Variants in BRWD3 observed in about 807,000 individuals in gnomAD.
BRWD3 encodes the protein bromodomain and WD repeat domain containing 3.
BRWD3 carries 10 observed loss-of-function variants against 149.7 expected under a neutral mutation model. The observed-to-expected ratio is 0.07, with a 90% CI of 0.04 to 0.11. The LOEUF is 0.11. BRWD3 is among the 10% of genes least tolerant of loss of function. The probability of loss-of-function intolerance (pLI) is 1.00; values close to 1 mark genes in which losing one functional copy is unlikely to be tolerated. For missense variants in BRWD3, 940 were observed against 1,373.2 expected, an observed-to-expected ratio of 0.68 and a Z score of 4.99; for synonymous variants, 504 against 456.7, an observed-to-expected ratio of 1.10 and a Z score of -1.32.
At chrX:80,773,222 C>T (rs2073966574) in intron 6 of BRWD3, among the ~76,000 whole-genome samples, 1 of 111,342 alleles carries the variant, frequency 9.0e-6, no homozygotes, top group African/African-American at 3.3e-5. Context: ...TAGATATATA[C>T]ATAAATGAGT....
chrX:80,777,877 C>T (rs927755770), intron 6 of BRWD3, among the ~76,000 whole-genome samples: 8 of 111,049 alleles, frequency 7.2e-5, no homozygotes, highest in African/African-American at 1.3e-4. Context: ...GTCTTAAATT[C>T]CTGGGCTAAA....
In BRWD3 at chrX:80,670,335, A is replaced by G. The variant is rs893222245; in HGVS notation, c.*6274T>C. 2.7e-5 allele frequency among the ~76,000 whole-genome samples: 3 copies of G among 111,495 alleles called. No homozygotes were observed. The highest frequency in any genetic ancestry group is 9.8e-5 in the African/African-American group (3 of 30,664). On this transcript the variant is annotated 3_prime_UTR_variant, in exon 41 of 41. Coordinates refer to ENST00000373275, the MANE Select transcript of BRWD3 (RefSeq NM_153252.5). ...TTCAAAAGATCAACTCACAGGCTCA[A>G]TATATTGGTTTTATTTTGCACATTT...
chrX:80,761,616 G>C (rs974807423), intron 6 of BRWD3, among the ~76,000 whole-genome samples: 6 of 111,703 alleles, frequency 5.4e-5, no homozygotes, highest in Admixed American at 9.5e-5. Flanking sequence ...ACTGAGGAAA[G>C]ACAAAAAGTG....
chrX:80,728,955 G>A (rs762751511), intron 13 of BRWD3, 50 bp from the exon 14 acceptor site: 1 of 1,106,922 alleles, frequency 9.0e-7, no homozygotes, highest in Non-Finnish European at 1.2e-6. Context: ...TTTGACAAAG[G>A]TGCATGTTAA....
intron 6 of BRWD3, among the ~76,000 whole-genome samples, chrX:80,777,219 A>G (rs138848533): frequency 0.083 from 9,149 of 110,119 alleles, 374 homozygotes; most frequent in South Asian, 0.19. Flanking sequence ...CCCAAGAAAG[A>G]TGAGTAACTC....
intron 40 of BRWD3, among the ~76,000 whole-genome samples, chrX:80,680,028 T>C (rs981637696): frequency 2.7e-5 from 3 of 112,440 alleles, no homozygotes; most frequent in East Asian, 2.8e-4. Context: ...ATTTCTTACA[T>C]AGCCACTATA....
intron 14 of BRWD3, among the ~76,000 whole-genome samples, chrX:80,726,015 T>C (rs2073228498): frequency 9.1e-6 from 1 of 109,361 alleles, no homozygotes; most frequent in Admixed American, 9.6e-5. Context: ...ACATGTTATA[T>C]GTCTATATAA....
intron 5 of BRWD3, among the ~76,000 whole-genome samples, 154 bp from the exon 6 acceptor site, chrX:80,792,106 A>C (rs1346878249): frequency 1.8e-5 from 2 of 112,602 alleles, no homozygotes; most frequent in Non-Finnish European, 3.7e-5. Flanking sequence ...TGAACATGTT[A>C]TAAACTAAAT....
intron 20 of BRWD3, 97 bp from the exon 21 acceptor site, chrX:80,709,674 G>T: frequency 1.4e-6 from 1 of 727,768 alleles, no homozygotes; most frequent in Non-Finnish European, 2.0e-6. Flanking sequence ...GTAGGGGTGA[G>T]TAGGAGATGA....
intron 6 of BRWD3, among the ~76,000 whole-genome samples, chrX:80,772,432 C>CA (rs1342946801): frequency 9.0e-6 from 1 of 110,735 alleles, no homozygotes; most frequent in Non-Finnish European, 1.9e-5. Flanking sequence ...AACACCTGGA[C>CA]ACAGGGCGGG....
At chrX:80,717,094 C>T (rs770461632) in intron 19 of BRWD3, 1 of 116,457 alleles carries the variant, frequency 8.6e-6, no homozygotes, top group African/African-American at 3.2e-5. Flanking sequence ...CAGCAAATGT[C>T]AGGGTTTACA....
chrX:80,723,630 T>C (rs1430937949), intron 16 of BRWD3, 118 bp downstream of exon 16: 3 of 789,630 alleles, frequency 3.8e-6, no homozygotes, highest in Admixed American at 5.7e-5. Flanking sequence ...AAGACAACTT[T>C]CTTTTATTTT....
At chrX:80,760,591 CT>C (rs1490040961) in intron 6 of BRWD3, among the ~76,000 whole-genome samples, 3 of 111,487 alleles carry the variant, frequency 2.7e-5, no homozygotes. Flanking sequence ...ATTTAAATTG[CT>C]TTGCTTCAAA....
chrX:80,765,911 T>A (rs4826026), intron 6 of BRWD3, among the ~76,000 whole-genome samples: 9,337 of 111,597 alleles, frequency 0.084, 373 homozygotes, highest in South Asian at 0.19. Context: ...TTTATTTATT[T>A]AAGTATTAAA....
intron 30 of BRWD3, 34 bp downstream of exon 30, chrX:80,691,789 G>A: frequency 8.3e-7 from 1 of 1,207,471 alleles, no homozygotes; most frequent in East Asian, 3.0e-5. Flanking sequence ...TAGCTCTCTT[G>A]CATGCTCCTA....
chrX:80,805,286 C>A (rs764857424), intron 4 of BRWD3, among the ~76,000 whole-genome samples: 1 of 111,354 alleles, frequency 9.0e-6, no homozygotes, highest in South Asian at 3.7e-4. Flanking sequence ...TGAAGAAATT[C>A]AATTTATCAT....
intron 6 of BRWD3, among the ~76,000 whole-genome samples, chrX:80,752,622 T>C (rs1025116666): frequency 2.7e-5 from 3 of 111,993 alleles, no homozygotes; most frequent in African/African-American, 9.7e-5. Flanking sequence ...TATTTCATTG[T>C]GGTTTTAATT....
intron 23 of BRWD3, 89 bp from the exon 24 acceptor site, chrX:80,703,682 T>C: frequency 3.2e-6 from 2 of 627,059 alleles, no homozygotes; most frequent in Non-Finnish European, 4.9e-6. Flanking sequence ...AAATAGTAGG[T>C]AGAGAAGATT....
At chrX:80,802,703 T>C (rs915679701) in intron 4 of BRWD3, among the ~76,000 whole-genome samples, 3 of 110,759 alleles carry the variant, frequency 2.7e-5, no homozygotes, top group Non-Finnish European at 5.7e-5. Flanking sequence ...TTGAGGAAAG[T>C]CAATCTCTGA....
Sources: allele counts gnomAD v4.1 joint callset (sites outside exome capture counted in the v4.1 genomes callset), GRCh38; gene constraint gnomAD v4.1.1; transcripts MANE v1.5; gene names NCBI Gene and HGNC (gene_info 2026-07-23, HGNC 2026-07-21).